SMARCAD1: variants seen among roughly 807,000 people sequenced by gnomAD.
The protein encoded by SMARCAD1 is SNF2 related chromatin remodeling ATPase with DExD box 1, also known as SWI/SNF-related matrix-associated actin-dependent regulator of chromatin subfamily A containing DEAD/H box 1.
SMARCAD1 carries 25 observed loss-of-function variants against 127.1 expected under a neutral mutation model. The observed-to-expected ratio is 0.20, with a 90% CI of 0.14 to 0.27. SMARCAD1 has a LOEUF of 0.27. Ranked by LOEUF, SMARCAD1 falls within the 10% of genes least tolerant of loss-of-function variation. The pLI, the probability that SMARCAD1 is intolerant of heterozygous loss-of-function variation, is 1.00. For missense variants in SMARCAD1, 807 were observed against 1,206.0 expected, an observed-to-expected ratio of 0.67 and a Z score of 4.90; for synonymous variants, 400 against 396.9, an observed-to-expected ratio of 1.01 and a Z score of -0.09.
rs761197777 is a variant in SMARCAD1 at position 94,208,054 on chromosome 4, T to A, written c.-66T>A. Reference sequence around the variant, plus strand: ...CGCTAGGGGGTTATACTGGGGAACGTGCCTGCGCGTGCTTGGGTAAGAGGA... The same window carrying A: ...CGCTAGGGGGTTATACTGGGGAACGAGCCTGCGCGTGCTTGGGTAAGAGGA... On this transcript the variant is annotated 5_prime_UTR_variant, in exon 1 of 24. Transcript: ENST00000354268. 13 of 478,376 alleles carry A rather than the reference T, an allele frequency of 2.7e-5. 1 individual carries two copies. Among genetic ancestry groups the A allele is most frequent in the South Asian group, 2.0e-4 (13 of 63,844 alleles). 29.6% of individuals were successfully genotyped at this position (478,376 alleles called of 1,614,324 possible). A position where few individuals can be genotyped will look rare whatever the true frequency, so the allele number is the denominator to read the frequency against.
chr4:94,276,742 T>A (rs959239290), intron 15 of SMARCAD1, among the ~76,000 whole-genome samples: 1 of 152,212 alleles, frequency 6.6e-6, no homozygotes, highest in African/African-American at 2.4e-5. Flanking sequence ...CTGTTCTATA[T>A]GTTAAACTAT....
chr4:94,278,394 T>TA (rs1259509498), intron 16 of SMARCAD1, 28 bp from the exon 17 acceptor site: 1 of 1,561,014 alleles, frequency 6.4e-7, no homozygotes, highest in Non-Finnish European at 8.8e-7. Flanking sequence ...GAATAATTCC[T>TA]AAAAGGATAT....
intron 6 of SMARCAD1, among the ~76,000 whole-genome samples, chr4:94,243,805 C>T (rs771167482): frequency 3.9e-5 from 6 of 152,126 alleles, no homozygotes; most frequent in Non-Finnish European, 8.8e-5. Flanking sequence ...ATATGCTATT[C>T]TTTGACATTT....
At chr4:94,280,875 G>A in intron 20 of SMARCAD1, 95 bp downstream of exon 20, 2 of 1,170,302 alleles carry the variant, frequency 1.7e-6, no homozygotes, top group Non-Finnish European at 2.5e-6. Flanking sequence ...ATTAGCCTAT[G>A]TCTGTTCTGC....
chr4:94,244,271 C>T (rs151249837), intron 6 of SMARCAD1, among the ~76,000 whole-genome samples: 13 of 152,330 alleles, frequency 8.5e-5, no homozygotes, highest in African/African-American at 2.6e-4. Flanking sequence ...GTAGTGGTTG[C>T]TTTAATGATT....
At chr4:94,231,314 ATAGT>A (rs897612723) in intron 3 of SMARCAD1, among the ~76,000 whole-genome samples, 24 of 152,172 alleles carry the variant, frequency 1.6e-4, no homozygotes, top group African/African-American at 5.1e-4. Context: ...AACATAGTAG[ATAGT>A]TAGAGCAGAG....
chr4:94,237,922 T>C (rs1255969397), intron 5 of SMARCAD1, among the ~76,000 whole-genome samples: 2 of 152,186 alleles, frequency 1.3e-5, no homozygotes, highest in Non-Finnish European at 2.9e-5. Flanking sequence ...ACATTTTAAA[T>C]TTTAATATGT....
chr4:94,274,976 A>G lies in SMARCAD1; in HGVS notation c.1808+11A>G. 6.3e-7 allele frequency: 1 copy of G among 1,577,486 alleles called. No individual in the cohort carries two copies. The highest frequency in any genetic ancestry group is 8.7e-7 in the Non-Finnish European group (1 of 1,148,448). ...TGTAATTGTGACCACGTAAGTATTG[A>G]GAAATTTGGGGAGGATGGATATTTA... On this transcript the variant is annotated intron_variant, in intron 14 of 23. Transcript: ENST00000354268.
chr4:94,259,918 G>T (rs1037581966), intron 9 of SMARCAD1, among the ~76,000 whole-genome samples: 1 of 152,072 alleles, frequency 6.6e-6, no homozygotes, highest in Non-Finnish European at 1.5e-5. Flanking sequence ...TCTCATAAAT[G>T]CCATAGTGTT....
intron 19 of SMARCAD1, 130 bp downstream of exon 19, chr4:94,279,180 AC>A: frequency 8.3e-7 from 1 of 1,204,826 alleles, no homozygotes; most frequent in Non-Finnish European, 1.2e-6. Flanking sequence ...TTTTTTTCAG[AC>A]CAGGTCTGGT....
At chr4:94,246,516 G>A (rs1748449883) in intron 6 of SMARCAD1, among the ~76,000 whole-genome samples, 1 of 152,176 alleles carries the variant, frequency 6.6e-6, no homozygotes, top group Non-Finnish European at 1.5e-5. Flanking sequence ...AGCTCCCAAT[G>A]TCCAGTCTAA....
At chr4:94,235,749 A>C (rs1746561254) in intron 4 of SMARCAD1, among the ~76,000 whole-genome samples, 1 of 152,010 alleles carries the variant, frequency 6.6e-6, no homozygotes, top group Non-Finnish European at 1.5e-5. Context: ...GAGTATTAAA[A>C]TATTCAACAT....
chr4:94,242,794 G>A (rs1747797352), intron 6 of SMARCAD1, among the ~76,000 whole-genome samples: 1 of 151,574 alleles, frequency 6.6e-6, no homozygotes, highest in Non-Finnish European at 1.5e-5. Flanking sequence ...ACATGCAGCT[G>A]TAATCTCAGC....
intron 20 of SMARCAD1, 135 bp downstream of exon 20, chr4:94,280,915 T>G: frequency 1.2e-6 from 1 of 838,436 alleles, no homozygotes; most frequent in Middle Eastern, 3.6e-4. Flanking sequence ...TTTTGAACAT[T>G]TTCTTGACGT....
intron 23 of SMARCAD1, among the ~76,000 whole-genome samples, chr4:94,289,266 A>G (rs113447166): frequency 1.6e-3 from 242 of 152,252 alleles, no homozygotes; most frequent in African/African-American, 5.5e-3. Context: ...TTAGATTGCT[A>G]TGTTGGCAAT....
chr4:94,283,515 C>G (rs111900147), intron 22 of SMARCAD1, among the ~76,000 whole-genome samples: 1 of 152,168 alleles, frequency 6.6e-6, no homozygotes, highest in Non-Finnish European at 1.5e-5. Flanking sequence ...CCAAATAGTT[C>G]TGCAGTTCAT....
chr4:94,272,108 C>G (rs1056172738), intron 11 of SMARCAD1, among the ~76,000 whole-genome samples: 1 of 152,188 alleles, frequency 6.6e-6, no homozygotes, highest in African/African-American at 2.4e-5. Flanking sequence ...CTTTCTTACT[C>G]TGTCCTTATG....
At chr4:94,228,272 C>T (rs928617692) in intron 3 of SMARCAD1, among the ~76,000 whole-genome samples, 9 of 152,056 alleles carry the variant, frequency 5.9e-5, no homozygotes, top group African/African-American at 2.2e-4. Context: ...AATGCATTAT[C>T]AACTCTCACA....
intron 5 of SMARCAD1, among the ~76,000 whole-genome samples, chr4:94,238,090 A>G (rs559234113): frequency 1.3e-5 from 2 of 152,290 alleles, no homozygotes; most frequent in South Asian, 4.1e-4. Flanking sequence ...CCATGGACCC[A>G]TCATTCTCCA....
Sources: gnomAD v4.1 joint callset for allele counts (sites outside exome capture counted in the v4.1 genomes callset) on GRCh38, gnomAD v4.1.1 for gene constraint, MANE v1.5 for transcripts, NCBI Gene and HGNC (gene_info 2026-07-23, HGNC 2026-07-21) for gene names.